PRKCE: variants seen among roughly 807,000 people sequenced by gnomAD.
PRKCE encodes the protein protein kinase C epsilon type.
In PRKCE, 16 loss-of-function variants were observed where a neutral mutation model predicts 85.4. The observed-to-expected ratio is 0.19, with a 90% CI of 0.13 to 0.28. The LOEUF is 0.28. Ranked by LOEUF, PRKCE falls within the 10% of genes least tolerant of loss-of-function variation. The probability of loss-of-function intolerance (pLI) is 1.00; values close to 1 mark genes in which losing one functional copy is unlikely to be tolerated. For missense variants in PRKCE, 573 were observed against 975.2 expected, an observed-to-expected ratio of 0.59 and a Z score of 5.49; for synonymous variants, 388 against 371.5, an observed-to-expected ratio of 1.04 and a Z score of -0.51.
intron 6 of PRKCE, among the ~76,000 whole-genome samples, chr2:45,987,030 GT>G (rs59401094): frequency 0.45 from 66,698 of 147,760 alleles, 15,208 homozygotes; most frequent in East Asian, 0.68. Flanking sequence ...GCTGATGTCT[GT>G]TTTTTTTTTT....
chr2:46,130,165 G>C lies in PRKCE; in HGVS notation c.1593-14928G>C, dbSNP rs536934519. On this transcript the variant is annotated intron_variant, in intron 11 of 14. Transcript: ENST00000306156. ...CATTTTTATTAGCATAAACCATTGG[G>C]TTGGTAAAAATAATTACAAAATTGG... 1.2e-4 allele frequency among the ~76,000 whole-genome samples: 19 copies of C among 152,100 alleles called. No homozygotes were observed. In the East Asian group the frequency reaches 3.5e-3, roughly 28 times the overall value.
chr2:45,810,613 TCA>T (rs1027160969), intron 1 of PRKCE, among the ~76,000 whole-genome samples: 1 of 152,040 alleles, frequency 6.6e-6, no homozygotes, highest in African/African-American at 2.4e-5. Flanking sequence ...GGACAGGGTC[TCA>T]CCCTGTTGCC....
At chr2:45,875,082 C>G (rs1021080967) in intron 2 of PRKCE, among the ~76,000 whole-genome samples, 1 of 152,106 alleles carries the variant, frequency 6.6e-6, no homozygotes, top group African/African-American at 2.4e-5. Flanking sequence ...CCTCCAGTCT[C>G]CACAGGTACC....
chr2:45,871,374 C>A (rs545784410), intron 2 of PRKCE, among the ~76,000 whole-genome samples: 1 of 152,316 alleles, frequency 6.6e-6, no homozygotes, highest in Non-Finnish European at 1.5e-5. Flanking sequence ...GAATAAAATG[C>A]TTTACCTGTT....
intron 6 of PRKCE, among the ~76,000 whole-genome samples, chr2:45,997,841 C>G (rs1182951834): frequency 6.6e-6 from 1 of 152,280 alleles, no homozygotes; most frequent in East Asian, 1.9e-4. Flanking sequence ...GCTTCCATAC[C>G]CGGCCGGTAA....
At chr2:45,758,578 C>G (rs960814946) in intron 1 of PRKCE, among the ~76,000 whole-genome samples, 46 of 152,260 alleles carry the variant, frequency 3.0e-4, no homozygotes, top group African/African-American at 1.1e-3. Context: ...CAAATGTTAC[C>G]CCATCAGAGA....
intron 2 of PRKCE, among the ~76,000 whole-genome samples, chr2:45,882,158 A>G (rs1484647154): frequency 6.6e-6 from 1 of 152,208 alleles, no homozygotes; most frequent in African/African-American, 2.4e-5. Flanking sequence ...TCCTTCCGAT[A>G]TCATGATGTC....
chr2:45,840,024 G>A (rs552311783), intron 1 of PRKCE, among the ~76,000 whole-genome samples: 1 of 152,238 alleles, frequency 6.6e-6, no homozygotes, highest in Admixed American at 6.5e-5. Context: ...TCCCTGCCAC[G>A]AGTTCTCACT....
rs899635541 is a variant in PRKCE at position 45,904,661 on chromosome 2, C to T, written c.412+61598C>T. ...GGGCTTACTGTAAGTGGGCTGTGCTCGGGGATCTCACCAGGAAGAAAAAGA... is the reference window on the plus strand; with the variant it reads ...GGGCTTACTGTAAGTGGGCTGTGCTTGGGGATCTCACCAGGAAGAAAAAGA... On this transcript the variant is annotated intron_variant, in intron 2 of 14. Transcript: ENST00000306156. Among the ~76,000 whole-genome samples, 6 of 152,082 alleles carry T rather than the reference C, an allele frequency of 3.9e-5. No individual in the cohort carries two copies. The East Asian group carries it at 7.7e-4, about 20-fold the overall frequency.
chr2:45,915,249 A>G (rs1189435722), intron 2 of PRKCE, among the ~76,000 whole-genome samples: 1 of 152,222 alleles, frequency 6.6e-6, no homozygotes, highest in African/African-American at 2.4e-5. Flanking sequence ...TTTGCAAAAT[A>G]ATATAATGAA....
At chr2:46,098,607 A>G (rs376356776) in intron 11 of PRKCE, among the ~76,000 whole-genome samples, 126 of 152,296 alleles carry the variant, frequency 8.3e-4, no homozygotes, top group African/African-American at 2.9e-3. Flanking sequence ...GACCTGTCCT[A>G]TATAGGGGAA....
chr2:46,084,753 C>T (rs1294399003), intron 10 of PRKCE, among the ~76,000 whole-genome samples: 1 of 151,352 alleles, frequency 6.6e-6, no homozygotes, highest in Non-Finnish European at 1.5e-5. Flanking sequence ...ATGTGCTCTG[C>T]CTCTCTGGCC....
At chr2:45,956,393 C>G (rs191137300) in intron 2 of PRKCE, among the ~76,000 whole-genome samples, 4 of 152,074 alleles carry the variant, frequency 2.6e-5, no homozygotes, top group African/African-American at 9.6e-5. Context: ...TTATAAGAAC[C>G]TGCAGGCTGG....
At chr2:45,824,088 A>G (rs1245924825) in intron 1 of PRKCE, among the ~76,000 whole-genome samples, 2 of 152,186 alleles carry the variant, frequency 1.3e-5, no homozygotes, top group South Asian at 2.1e-4. Flanking sequence ...CCAGCTTTCT[A>G]TGAGGGCACA....
intron 2 of PRKCE, among the ~76,000 whole-genome samples, chr2:45,928,896 G>A (rs987243862): frequency 1.3e-5 from 2 of 152,176 alleles, no homozygotes; most frequent in African/African-American, 2.4e-5. Context: ...TGTACCCCGA[G>A]GCTGGGAGTC....
chr2:45,671,647 G>T (rs569465032), intron 1 of PRKCE, among the ~76,000 whole-genome samples: 1 of 151,972 alleles, frequency 6.6e-6, no homozygotes, highest in Non-Finnish European at 1.5e-5. Flanking sequence ...GGAAAGGTTC[G>T]TAGACCATTT....
intron 14 of PRKCE, among the ~76,000 whole-genome samples, chr2:46,181,635 C>T (rs1329534976): frequency 6.6e-6 from 1 of 152,340 alleles, no homozygotes; most frequent in East Asian, 1.9e-4. Flanking sequence ...AGCTTTACCA[C>T]TATGCTCAGT....
At position 45,757,172 on chromosome 2, in the gene PRKCE, G is replaced by A. The variant is rs566632474; in HGVS notation, c.349-85828G>A. 2.0e-5 allele frequency among the ~76,000 whole-genome samples: 3 copies of A among 152,116 alleles called. No homozygotes were observed. The South Asian group carries it at 6.2e-4, about 32-fold the overall frequency. On this transcript the variant is annotated intron_variant, in intron 1 of 14. Coordinates refer to ENST00000306156, the MANE Select transcript of PRKCE (RefSeq NM_005400.3). The stretch of plus-strand genomic sequence containing the variant: ...AATTTAGAGACACCTATAGAGACAG[G>A]TGGTGCATGCCTGTAATCCCAGCGA...
At chr2:46,168,351 G>C (rs1378693546) in intron 14 of PRKCE, among the ~76,000 whole-genome samples, 2 of 152,116 alleles carry the variant, frequency 1.3e-5, no homozygotes, top group Non-Finnish European at 2.9e-5. Flanking sequence ...GACTTCCTAG[G>C]CCACGCCTGA....
Sources: gnomAD v4.1 joint callset for allele counts (sites outside exome capture counted in the v4.1 genomes callset) on GRCh38, gnomAD v4.1.1 for gene constraint, MANE v1.5 for transcripts, NCBI Gene and HGNC (gene_info 2026-07-23, HGNC 2026-07-21) for gene names.